ITK: variants seen among roughly 807,000 people sequenced by gnomAD.
The protein encoded by ITK is IL2 inducible T cell kinase, also known as tyrosine-protein kinase ITK/TSK.
Under a neutral mutation model 87.6 loss-of-function variants are expected in ITK, and 45 were observed. The observed-to-expected ratio is 0.51, with a 90% CI of 0.40 to 0.66. The LOEUF is 0.66. ITK is among the 30% of genes least tolerant of loss of function. ITK has a pLI of 0.00. For missense variants in ITK, 605 were observed against 766.3 expected (o/e 0.79, Z 2.48); for synonymous variants, 303 against 273.6 (o/e 1.11, Z -1.06).
chr5:157,222,685 A>G, intron 5 of ITK, 178 bp from the exon 6 acceptor site: 1 of 650,286 alleles, frequency 1.5e-6, no homozygotes, highest in Non-Finnish European at 2.7e-6. Flanking sequence ...TCATAGAATG[A>G]GCAATGTGAT....
At chr5:157,187,748 C>T (rs1166797565) in intron 1 of ITK, among the ~76,000 whole-genome samples, 5 of 152,072 alleles carry the variant, frequency 3.3e-5, no homozygotes, top group Non-Finnish European at 7.4e-5. Context: ...TTTCCTCTGC[C>T]TGTCTTACCC....
rs775170349 is a variant in ITK, at chr5:157,244,315, C to T, written c.1286C>T (p.Ala429Val). ...VQLYGVCLEQ[A>V]PICLVFEFME... ...CTGTATGGGGTGTGCCTGGAGCAGG[C>T]CCCCATCTGCCTGGTGTTTGAGTTC... is the stretch of plus-strand genomic sequence containing the variant. The change falls in exon 13 of 17, where the codon GCC (alanine) becomes GTC (valine). Residue 429 changes from alanine (A) to valine (V), a missense_variant. Transcript: ENST00000422843. 3.1e-6 allele frequency: 5 copies of T among 1,614,028 alleles called. No homozygotes were observed. The South Asian group carries it at 4.4e-5, about 14-fold the overall frequency.
rs1479484340 is a variant in ITK at position 157,243,765 on chromosome 5, G to A, written c.1203G>A (p.Glu401=). The A allele has an allele frequency of 1.9e-6, 3 of 1,614,076 alleles. No individual in the cohort carries two copies. The highest frequency in any genetic ancestry group is 2.5e-6 in the Non-Finnish European group (3 of 1,179,992). The change falls in exon 12 of 17, where the codon GAG becomes GAA. Residue 401 remains glutamate, a synonymous_variant. Transcript: ENST00000422843. The stretch of plus-strand genomic sequence containing the variant: ...TTCGGGAAGGGGCTATGTCAGAAGA[G>A]GACTTCATAGAGGAGGCTGAAGTAA... ...KTIREGAMSE[E]DFIEEAEVMM...
At chr5:157,190,742 G>A (rs1753737191) in intron 1 of ITK, among the ~76,000 whole-genome samples, 1 of 152,096 alleles carries the variant, frequency 6.6e-6, no homozygotes, top group South Asian at 2.1e-4. Context: ...ATGGGAAAGA[G>A]CATTCTGGGC....
intron 9 of ITK, among the ~76,000 whole-genome samples, chr5:157,239,520 T>G (rs1754844704): frequency 6.7e-6 from 1 of 148,478 alleles, no homozygotes; most frequent in Non-Finnish European, 1.5e-5. Flanking sequence ...AAAACACATG[T>G]TTCTAGCAGA....
intron 3 of ITK, 47 bp from the exon 4 acceptor site, chr5:157,214,144 T>A (rs1383081777): frequency 9.5e-6 from 15 of 1,574,740 alleles, no homozygotes; most frequent in Non-Finnish European, 1.3e-5. Flanking sequence ...TAGCCCTTGA[T>A]AGACTGACCT....
intron 4 of ITK, 52 bp from the exon 5 acceptor site, chr5:157,217,815 G>A (rs2113757896): frequency 6.5e-7 from 1 of 1,545,820 alleles, no homozygotes; most frequent in Non-Finnish European, 8.9e-7. Flanking sequence ...CTTCCGGTTG[G>A]GTCCATTAGT....
At chr5:157,214,418 A>G (rs755190659) in intron 4 of ITK, 99 bp downstream of exon 4, 2 of 977,710 alleles carry the variant, frequency 2.0e-6, no homozygotes, top group Non-Finnish European at 3.3e-6. Context: ...ACAGAATGCA[A>G]AATTCTACAT....
chr5:157,251,779 T>G (rs905119532), intron 16 of ITK, among the ~76,000 whole-genome samples: 3 of 152,252 alleles, frequency 2.0e-5, no homozygotes, highest in African/African-American at 7.2e-5. Flanking sequence ...TTCTCCTCTG[T>G]TCCTTTGTTA....
chr5:157,235,623 A>G (rs1171520881), intron 8 of ITK, among the ~76,000 whole-genome samples: 2 of 152,226 alleles, frequency 1.3e-5, no homozygotes, highest in Admixed American at 6.5e-5. Flanking sequence ...CTAAAGTGTC[A>G]TTGAAGACTC....
chr5:157,236,483 T>A (rs1018993849), intron 8 of ITK, among the ~76,000 whole-genome samples: 2 of 152,116 alleles, frequency 1.3e-5, no homozygotes, highest in African/African-American at 4.8e-5. Context: ...CAAACCATCA[T>A]TTTAGTTGTG....
chr5:157,233,961 ATATTTTTTTTTTTT>A (rs1299138070), intron 8 of ITK, among the ~76,000 whole-genome samples: 1 of 28,924 alleles, frequency 3.5e-5, no homozygotes, highest in Non-Finnish European at 5.9e-5. Flanking sequence ...ATATATATAT[ATATTTTTTTTTTTT>A]TTTTTTTTTT....
At chr5:157,244,231 G>T (rs1754973422) in intron 12 of ITK, 31 bp from the exon 13 acceptor site, 1 of 1,565,722 alleles carries the variant, frequency 6.4e-7, no homozygotes, top group Admixed American at 1.7e-5. Flanking sequence ...ACTGAGTTTA[G>T]GCCATCTCAC....
chr5:157,190,047 C>T (rs1482218161), intron 1 of ITK, among the ~76,000 whole-genome samples: 1 of 152,148 alleles, frequency 6.6e-6, no homozygotes, highest in South Asian at 2.1e-4. Flanking sequence ...TAAAAGTCCC[C>T]TTTTGGATCA....
chr5:157,217,681 A>C (rs890597947), intron 4 of ITK, among the ~76,000 whole-genome samples, 186 bp from the exon 5 acceptor site: 5 of 152,142 alleles, frequency 3.3e-5, no homozygotes, highest in Non-Finnish European at 7.3e-5. Context: ...AGGCCCAAGG[A>C]GATAAAAGAC....
chr5:157,220,563 G>T (rs537748120), intron 5 of ITK, among the ~76,000 whole-genome samples: 2 of 152,280 alleles, frequency 1.3e-5, no homozygotes, highest in South Asian at 4.1e-4. Flanking sequence ...GTCCTGGGGG[G>T]TCAGGTTGTG....
chr5:157,233,304 T>C (rs186345911), intron 8 of ITK, among the ~76,000 whole-genome samples: 58 of 152,326 alleles, frequency 3.8e-4, no homozygotes, highest in African/African-American at 1.1e-3. Flanking sequence ...ATTGGGACTT[T>C]ATTGGGAAAC....
At chr5:157,199,595 G>A (rs773832508) in intron 1 of ITK, 3 of 152,218 alleles carry the variant, frequency 2.0e-5, no homozygotes, top group Non-Finnish European at 4.4e-5. Context: ...GTCCCAGCAA[G>A]TGCTAAGCCA....
chr5:157,225,684 T>C (rs1182117299), intron 6 of ITK, among the ~76,000 whole-genome samples: 1 of 151,944 alleles, frequency 6.6e-6, no homozygotes, highest in East Asian at 1.9e-4. Flanking sequence ...AGACCCCAAC[T>C]CCCCTCGTCT....
Sources: allele counts gnomAD v4.1 joint callset (sites outside exome capture counted in the v4.1 genomes callset), GRCh38; gene constraint gnomAD v4.1.1; transcripts MANE v1.5; gene names NCBI Gene and HGNC (gene_info 2026-07-23, HGNC 2026-07-21).